Variants in REELD1 observed in about 807,000 individuals in gnomAD.
The protein encoded by REELD1 is reeler domain containing 1, also known as reelin domain-containing protein 1.
Under a neutral mutation model 6.3 loss-of-function variants are expected in REELD1, and 12 were observed. That is an observed-to-expected ratio of 1.89 (90% CI 1.21 to 3.07). The LOEUF (loss-of-function observed/expected upper bound fraction) is 3.07, where lower values mean the gene tolerates loss of function less well. REELD1 is among the 30% of genes most tolerant of loss of function. The pLI is 0.00. For missense variants in REELD1, 163 were observed against 86.8 expected (o/e 1.88, Z -3.49); for synonymous variants, 57 against 33.6 (o/e 1.70, Z -2.42).
chr4:146,227,184 G>A (rs999885057), intron 5 of REELD1, among the ~76,000 whole-genome samples: 19 of 152,294 alleles, frequency 1.2e-4, no homozygotes, highest in African/African-American at 3.6e-4. Flanking sequence ...ACAATACCCA[G>A]CACACAGCGG....
chr4:146,216,685 C>CA (rs1730831759), intron 2 of REELD1, among the ~76,000 whole-genome samples: 2 of 151,978 alleles, frequency 1.3e-5, no homozygotes, highest in Non-Finnish European at 1.5e-5. Flanking sequence ...TGAACAACAA[C>CA]AAAAAAAGCA....
Position 146,222,574 on chromosome 4 carries a change from G to C in REELD1, c.426G>C (p.Lys142Asn). ...CAGCCCAGCCTGTGGGGGACATTAA[G>C]TTCCTGTAAGAGAGTGAAGTGCTGT... ...KAPAQPVGDIKFLLSVVQSYF... is the reference protein window; with the variant it reads ...KAPAQPVGDINFLLSVVQSYF... The change falls in exon 4 of 8, where the codon AAG becomes AAC. Residue 142 changes from lysine (K) to asparagine (N), a missense_variant. Transcript: ENST00000623665. 1 of 398,620 alleles carries C rather than the reference G, an allele frequency of 2.5e-6. No individual in the cohort carries two copies. Among genetic ancestry groups the C allele is most frequent in the Non-Finnish European group, 4.4e-6 (1 of 226,082 alleles). The allele number at this position is 398,620 out of a possible 1,614,324, so 24.7% of individuals were successfully genotyped here. A position where few individuals can be genotyped will look rare whatever the true frequency, so the allele number is the denominator to read the frequency against.
At chr4:146,222,674 C>T (rs1191184983) in intron 4 of REELD1, 95 bp downstream of exon 4, 4 of 397,558 alleles carry the variant, frequency 1.0e-5, no homozygotes, top group African/African-American at 8.2e-5. Flanking sequence ...CCCTTTCCCC[C>T]TCCTTATGTG....
At chr4:146,218,135 G>A (rs1403269944) in intron 3 of REELD1, among the ~76,000 whole-genome samples, 1 of 152,238 alleles carries the variant, frequency 6.6e-6, no homozygotes, top group Non-Finnish European at 1.5e-5. Context: ...TCTGCTGTGG[G>A]CAACCGAGGT....
At chr4:146,227,151 T>G (rs1331512617) in intron 5 of REELD1, among the ~76,000 whole-genome samples, 1 of 151,962 alleles carries the variant, frequency 6.6e-6, no homozygotes, top group Non-Finnish European at 1.5e-5. Context: ...GTCTGCATTA[T>G]GTTTGCATCT....
chr4:146,230,243 C>G lies in REELD1; in HGVS notation c.1311C>G (p.Ile437Met). ...GLEGAQAPLG[I>M]QLRTPQLGIL... ...AGGGAGCCCAGGCCCCTCTGGGTAT[C>G]CAGCTCAGAACTCCTCAGCTGGGAA... The change falls in exon 8 of 8, where the codon ATC becomes ATG. Residue 437 changes from isoleucine (I) to methionine (M), a missense_variant. Physicochemically the swap from Ile to Met is conservative, Grantham distance 10. Coordinates refer to ENST00000623665, the MANE Select transcript of REELD1 (RefSeq NM_001354631.1). The G allele has an allele frequency of 2.5e-6, 1 of 398,842 alleles. No individual in the cohort carries two copies. The allele number at this position is 398,842 out of a possible 1,614,324, so 24.7% of individuals were successfully genotyped here. A position where few individuals can be genotyped will look rare whatever the true frequency, so the allele number is the denominator to read the frequency against.
chr4:146,227,975 C>T (rs952389998), intron 5 of REELD1, among the ~76,000 whole-genome samples: 2 of 152,042 alleles, frequency 1.3e-5, no homozygotes, highest in African/African-American at 4.8e-5. Context: ...AGGTACAAGC[C>T]CAGACAGGCC....
chr4:146,218,635 C>G (rs761926330), intron 3 of REELD1, among the ~76,000 whole-genome samples: 26 of 152,260 alleles, frequency 1.7e-4, no homozygotes, highest in Non-Finnish European at 3.2e-4. Context: ...TGAATTAAGT[C>G]TATTCTAATA....
At chr4:146,229,838 C>T (rs1000823582) in intron 7 of REELD1, 67 bp from the exon 8 acceptor site, 7 of 397,996 alleles carry the variant, frequency 1.8e-5, no homozygotes, top group African/African-American at 1.0e-4. Context: ...CAGTTAGTTA[C>T]AAAGTTCAGT....
At chr4:146,228,557 A>T (rs1176950079) in intron 6 of REELD1, 35 bp downstream of exon 6, 1 of 684,698 alleles carries the variant, frequency 1.5e-6, no homozygotes, top group East Asian at 2.7e-5. Flanking sequence ...AGGACAGGTG[A>T]TGGGACTAGG....
intron 3 of REELD1, among the ~76,000 whole-genome samples, chr4:146,218,922 G>T (rs943578352): frequency 1.3e-5 from 2 of 152,186 alleles, no homozygotes; most frequent in Non-Finnish European, 2.9e-5. Flanking sequence ...GCCAAGGTGA[G>T]TGGATCACTT....
chr4:146,221,850 T>G (rs1328882017), intron 3 of REELD1, among the ~76,000 whole-genome samples: 2 of 151,974 alleles, frequency 1.3e-5, no homozygotes, highest in Non-Finnish European at 2.9e-5. Context: ...GGAGCGAGAC[T>G]CTGTCTCAAA....
In REELD1 at chr4:146,231,749, A is replaced by G. The variant is rs575350908; in HGVS notation, c.*1236A>G. The G allele has an allele frequency of 6.6e-6, 1 of 152,338 alleles. No individual in the cohort carries two copies. The highest frequency in any genetic ancestry group is 1.9e-4 in the East Asian group (1 of 5,188). 9.4% of individuals were successfully genotyped at this position (152,338 alleles called of 1,614,324 possible). ...TAAGTTCAGTAGCTTTCCAAGGAGA[A>G]TGAGGCTTTCCTTATACCTCAATTT... On this transcript the variant is annotated 3_prime_UTR_variant, in exon 8 of 8. Coordinates refer to ENST00000623665, the MANE Select transcript of REELD1 (RefSeq NM_001354631.1).
In REELD1 at chr4:146,230,186, G is replaced by GC. The variant is rs1731103051; in HGVS notation, c.1255dup (p.Gln419ProfsTer7). On this transcript the variant is annotated frameshift_variant, in exon 8 of 8. Coordinates refer to ENST00000623665, the MANE Select transcript of REELD1 (RefSeq NM_001354631.1). LOFTEE classifies it low-confidence loss of function (END_TRUNC). ...GAGAGGGTGGAGTGGGATACCCTCG[G>GC]CAGACCAACCCACGGCCTGACATTG... The GC allele has an allele frequency of 5.0e-6, 2 of 398,802 alleles. No homozygotes were observed. The highest frequency in any genetic ancestry group is 8.8e-6 in the Non-Finnish European group (2 of 226,206). 24.7% of individuals were successfully genotyped at this position (398,802 alleles called of 1,614,324 possible). A position where few individuals can be genotyped will look rare whatever the true frequency, so the allele number is the denominator to read the frequency against.
intron 3 of REELD1, among the ~76,000 whole-genome samples, chr4:146,221,339 C>T (rs903164436): frequency 1.1e-4 from 16 of 152,170 alleles, no homozygotes; most frequent in Non-Finnish European, 1.9e-4. Flanking sequence ...ACTATGTTTT[C>T]AGGGCTAACT....
intron 4 of REELD1, among the ~76,000 whole-genome samples, chr4:146,223,685 C>A (rs60701696): frequency 0.21 from 32,494 of 152,182 alleles, 4,338 homozygotes; most frequent in Middle Eastern, 0.37. Flanking sequence ...GATGAGACAC[C>A]TGTCCCAAGT....
intron 3 of REELD1, among the ~76,000 whole-genome samples, chr4:146,218,757 T>C (rs544037019): frequency 6.6e-6 from 1 of 152,288 alleles, no homozygotes; most frequent in Non-Finnish European, 1.5e-5. Context: ...GGGGGCTCCA[T>C]CCACCCTAGA....
At position 146,230,409 on chromosome 4, in the gene REELD1, G is replaced by A. The variant is rs1382038708; in HGVS notation, c.1477G>A (p.Glu493Lys). ...SDAVARSNSGETVHVRKIGEN... is the reference protein window; with the variant it reads ...SDAVARSNSGKTVHVRKIGEN... Reference sequence around the variant, plus strand: ...TGCTGTTGCCAGGAGCAACAGTGGTGAGACTGTGCACGTCAGGAAGATTGG... The same window carrying A: ...TGCTGTTGCCAGGAGCAACAGTGGTAAGACTGTGCACGTCAGGAAGATTGG... Residue 493 changes from glutamate (E) to lysine (K), a missense_variant, in exon 8 of 8, where the codon GAG becomes AAG. Glu to Lys is a moderately conservative substitution (Grantham distance 56). Coordinates refer to ENST00000623665, the MANE Select transcript of REELD1 (RefSeq NM_001354631.1). 3 of 398,758 alleles carry A rather than the reference G, an allele frequency of 7.5e-6. No individual in the cohort carries two copies. Among genetic ancestry groups the A allele is most frequent in the East Asian group, 7.1e-5 (2 of 28,074 alleles). The allele number at this position is 398,758 out of a possible 1,614,324, so 24.7% of individuals were successfully genotyped here.
At chr4:146,225,997 G>A (rs781192200) in intron 5 of REELD1, among the ~76,000 whole-genome samples, 45 of 152,174 alleles carry the variant, frequency 3.0e-4, no homozygotes, top group Admixed American at 7.9e-4. Context: ...ATGTGCATGC[G>A]TGTGTGCATG....
Sources: gnomAD v4.1 joint callset for allele counts (sites outside exome capture counted in the v4.1 genomes callset) on GRCh38, gnomAD v4.1.1 for gene constraint, MANE v1.5 for transcripts, NCBI Gene and HGNC (gene_info 2026-07-23, HGNC 2026-07-21) for gene names.